The following BRWD1 variants were observed in gnomAD, a reference collection of about 807,000 sequenced individuals.
The protein encoded by BRWD1 is bromodomain and WD repeat domain containing 1.
Under a neutral mutation model 251.2 loss-of-function variants are expected in BRWD1, and 82 were observed. That is an observed-to-expected ratio of 0.33 (90% CI 0.27 to 0.39). The LOEUF (loss-of-function observed/expected upper bound fraction) is 0.39. BRWD1 is among the 10% of genes least tolerant of loss of function. BRWD1 has a pLI of 1.00. For synonymous variants in BRWD1, 918 were observed against 902.8 expected (o/e 1.02, Z -0.30); for missense variants, 2,233 against 2,711.6 (o/e 0.82, Z 3.92).
chr21:39,231,830 C>T lies in BRWD1; in HGVS notation c.3000+347G>A, dbSNP rs571318547. Among the ~76,000 whole-genome samples the T allele has an allele frequency of 2.3e-3, 353 of 152,296 alleles. 1 individual carries two copies. The highest frequency in any genetic ancestry group is 4.4e-3 in the Non-Finnish European group (296 of 68,024). On this transcript the variant is annotated intron_variant, in intron 25 of 40. Coordinates refer to ENST00000342449, the MANE Select transcript of BRWD1 (RefSeq NM_033656.4). ...TTATCCATGAGGTTAAACCCTTCTT[C>T]CAGTTTTTATTTCTTCTTTTGAAAA... is the stretch of plus-strand genomic sequence containing the variant.
chr21:39,298,134 G>A (rs1183438383), intron 5 of BRWD1: 1 of 1,039,942 alleles, frequency 9.6e-7, no homozygotes, highest in Non-Finnish European at 1.2e-6. Context: ...TTATGAGTGA[G>A]CTACAAAATG....
At chr21:39,203,349 G>T (rs2032204374) in intron 37 of BRWD1, among the ~76,000 whole-genome samples, 1 of 150,502 alleles carries the variant, frequency 6.6e-6, no homozygotes, top group African/African-American at 2.4e-5. Flanking sequence ...CTACTCAGGA[G>T]ACTTGTTTTA....
At chr21:39,237,205 C>A (rs1053172075) in intron 22 of BRWD1, among the ~76,000 whole-genome samples, 6 of 152,166 alleles carry the variant, frequency 3.9e-5, no homozygotes, top group African/African-American at 1.2e-4. Flanking sequence ...GGAATTTCAA[C>A]TGGAATCACA....
At chr21:39,289,849 C>T (rs2035753897) in intron 8 of BRWD1, among the ~76,000 whole-genome samples, 1 of 151,694 alleles carries the variant, frequency 6.6e-6, no homozygotes, top group Admixed American at 6.6e-5. Context: ...ACGGTGAAAC[C>T]TCGTCTCTAC....
chr21:39,251,625 C>T (rs1160885157), intron 19 of BRWD1, among the ~76,000 whole-genome samples: 1 of 152,162 alleles, frequency 6.6e-6, no homozygotes. Flanking sequence ...CTGCATTTTT[C>T]TCTAAGTACG....
intron 26 of BRWD1, among the ~76,000 whole-genome samples, chr21:39,228,957 A>ACT (rs1293791379): frequency 6.6e-6 from 1 of 152,190 alleles, no homozygotes; most frequent in African/African-American, 2.4e-5. Flanking sequence ...GCCACATGTG[A>ACT]CTAGTGGTAA....
chr21:39,283,285 T>C (rs2035531129), intron 8 of BRWD1, among the ~76,000 whole-genome samples: 1 of 152,186 alleles, frequency 6.6e-6, no homozygotes, highest in Admixed American at 6.5e-5. Flanking sequence ...TACGCTGATT[T>C]TATAGCATAA....
intron 38 of BRWD1, among the ~76,000 whole-genome samples, chr21:39,201,041 T>C (rs1244936647): frequency 1.3e-5 from 2 of 152,204 alleles, no homozygotes; most frequent in African/African-American, 2.4e-5. Context: ...TGATATCAGA[T>C]AGGTATTTCA....
chr21:39,207,620 A>G (rs992084872), intron 36 of BRWD1, among the ~76,000 whole-genome samples: 8 of 152,098 alleles, frequency 5.3e-5, no homozygotes, highest in African/African-American at 1.9e-4. Context: ...GTAAACATGA[A>G]TTATCCCATG....
Position 39,215,127 on chromosome 21 carries a change from C to T in BRWD1, c.3785+110G>A, listed in dbSNP as rs958062081. 22 of 1,153,650 alleles carry T rather than the reference C, an allele frequency of 1.9e-5. No homozygotes were observed. In the African/African-American group the frequency reaches 2.3e-4, roughly 12 times the overall value. The allele number at this position is 1,153,650 out of a possible 1,614,324, so 71.5% of individuals were successfully genotyped here. ...GCAAGTGATCTGACGGCCTTCACTT[C>T]CCAAAGTGCTGGGATTAACAGGCAT... On this transcript the variant is annotated intron_variant, in intron 32 of 40. Coordinates refer to ENST00000342449, the MANE Select transcript of BRWD1 (RefSeq NM_033656.4).
In BRWD1 at chr21:39,197,916, C is replaced by T. The variant is rs79988807; in HGVS notation, c.5654-501G>A. 8.2e-3 allele frequency among the ~76,000 whole-genome samples: 1,245 copies of T among 152,302 alleles called. 17 individuals carry two copies. Among genetic ancestry groups the T allele is most frequent in the African/African-American group, 0.028 (1,181 of 41,554 alleles). ...CACTGTTATGCAGCACATGACTGTA[C>T]TTTAAAGCAGTAACTTTTTCATCCT... On this transcript the variant is annotated intron_variant, in intron 40 of 40. Transcript: ENST00000342449.
At position 39,258,731 on chromosome 21, in the gene BRWD1, C is replaced by T. The variant is rs74276588; in HGVS notation, c.1886-59G>A. 9.8e-4 allele frequency: 1,226 copies of T among 1,247,514 alleles called. 14 individuals are homozygous for T. The East Asian group carries it at 0.028, about 29-fold the overall frequency. The allele number at this position is 1,247,514 out of a possible 1,614,324, so 77.3% of individuals were successfully genotyped here. A position where few individuals can be genotyped will look rare whatever the true frequency, so the allele number is the denominator to read the frequency against. On this transcript the variant is annotated intron_variant, in intron 17 of 40. Transcript: ENST00000342449. The stretch of plus-strand genomic sequence containing the variant: ...AAAAGCAGAAAACAAAAAAAAATTT[C>T]GTTAGGGTACAAATTAAAATACATT...
At chr21:39,252,901 T>C (rs1211167475) in intron 19 of BRWD1, among the ~76,000 whole-genome samples, 1 of 152,200 alleles carries the variant, frequency 6.6e-6, no homozygotes, top group Non-Finnish European at 1.5e-5. Context: ...TGAACATCTT[T>C]CTTCTTTTCT....
downstream of BRWD1, chr21:39,184,539 T>A (rs183161784): frequency 5.1e-4 from 77 of 152,354 alleles, no homozygotes; most frequent in African/African-American, 1.8e-3. Context: ...TTTGTGACTT[T>A]GTCAGTAGTC....
At chr21:39,265,167 T>A in intron 15 of BRWD1, 148 bp from the exon 16 acceptor site, 1 of 844,080 alleles carries the variant, frequency 1.2e-6, no homozygotes. Context: ...CTCATACCTG[T>A]AATCCTAGCA....
At chr21:39,184,772 G>C (rs563001453), downstream of BRWD1, 2 of 152,276 alleles carry the variant, frequency 1.3e-5, no homozygotes, top group Non-Finnish European at 2.9e-5. Context: ...AAGAGCTTAG[G>C]AAACTGGATA....
chr21:39,287,528 C>T (rs1051498775), intron 8 of BRWD1, among the ~76,000 whole-genome samples: 8 of 152,054 alleles, frequency 5.3e-5, no homozygotes, highest in Non-Finnish European at 1.2e-4. Context: ...TCTGTATTAA[C>T]CTTCAATTTT....
At chr21:39,264,397 T>C in intron 17 of BRWD1, 63 bp downstream of exon 17, 1 of 993,354 alleles carries the variant, frequency 1.0e-6, no homozygotes, top group Non-Finnish European at 1.4e-6. Context: ...AAATTATTTA[T>C]ATTATACTTT....
chr21:39,259,312 C>T (rs536453703), intron 17 of BRWD1, among the ~76,000 whole-genome samples: 2 of 152,198 alleles, frequency 1.3e-5, no homozygotes, highest in African/African-American at 2.4e-5. Context: ...TTTTCTGAGA[C>T]GGAGTCTCAC....
Sources: gnomAD v4.1 joint callset for allele counts (sites outside exome capture counted in the v4.1 genomes callset) on GRCh38, gnomAD v4.1.1 for gene constraint, MANE v1.5 for transcripts, NCBI Gene and HGNC (gene_info 2026-07-23, HGNC 2026-07-21) for gene names.